Variants in GABRB3 observed in about 807,000 individuals in gnomAD.
GABRB3 encodes the protein gamma-aminobutyric acid type A receptor subunit beta3, also known as gamma-aminobutyric acid receptor subunit beta-3.
Under a neutral mutation model 52.1 loss-of-function variants are expected in GABRB3, and 14 were observed. That is an observed-to-expected ratio of 0.27 (90% CI 0.18 to 0.42). The LOEUF (loss-of-function observed/expected upper bound fraction) is 0.42, where lower values mean the gene tolerates loss of function less well. Among genes scored for constraint, GABRB3 ranks in the 10% least tolerant of loss-of-function variants. The pLI is 1.00. For missense variants in GABRB3, 307 were observed against 609.1 expected, an observed-to-expected ratio of 0.50 and a Z score of 5.22; for synonymous variants, 260 against 232.3, an observed-to-expected ratio of 1.12 and a Z score of -1.08.
chr15:26,659,394 C>T (rs928401669), intron 3 of GABRB3, among the ~76,000 whole-genome samples: 6 of 151,776 alleles, frequency 4.0e-5, no homozygotes, highest in Non-Finnish European at 5.9e-5. Context: ...TGGTGGGGAG[C>T]GCCTTTAATC....
chr15:26,599,607 G>C (rs1891515212), intron 4 of GABRB3, among the ~76,000 whole-genome samples: 1 of 152,208 alleles, frequency 6.6e-6, no homozygotes, highest in African/African-American at 2.4e-5. Context: ...CAAAGGCAGA[G>C]ACCCATCAAC....
At chr15:26,572,342 C>T (rs1890438716) in intron 6 of GABRB3, among the ~76,000 whole-genome samples, 1 of 152,176 alleles carries the variant, frequency 6.6e-6, no homozygotes, top group Non-Finnish European at 1.5e-5. Flanking sequence ...ATTGTATGCA[C>T]CTCTGGTGTA....
chr15:26,651,689 C>T (rs909192915), intron 3 of GABRB3, among the ~76,000 whole-genome samples: 2 of 152,170 alleles, frequency 1.3e-5, no homozygotes, highest in South Asian at 4.1e-4. Context: ...GGGAGTCACA[C>T]CCTACAAACC....
At chr15:26,656,258 C>T (rs1234122700) in intron 3 of GABRB3, among the ~76,000 whole-genome samples, 1 of 152,194 alleles carries the variant, frequency 6.6e-6, no homozygotes, top group African/African-American at 2.4e-5. Context: ...TCATTTCCCT[C>T]CAGCTCCGGA....
intron 6 of GABRB3, among the ~76,000 whole-genome samples, chr15:26,579,408 G>T (rs993156848): frequency 3.5e-4 from 53 of 152,126 alleles, no homozygotes; most frequent in African/African-American, 1.1e-3. Context: ...GCCAGATGAA[G>T]CCTAAGAATG....
chr15:26,563,116 A>G (rs1769696922), intron 7 of GABRB3, among the ~76,000 whole-genome samples: 1 of 152,212 alleles, frequency 6.6e-6, no homozygotes, highest in African/African-American at 2.4e-5. Flanking sequence ...GGGAAGACCG[A>G]GCGCTTTGCT....
intron 4 of GABRB3, among the ~76,000 whole-genome samples, chr15:26,620,043 TTC>T (rs1892419854): frequency 6.6e-6 from 1 of 152,274 alleles, no homozygotes; most frequent in East Asian, 1.9e-4. Context: ...TGGCTCCTCA[TTC>T]TACATTCCCA....
intron 3 of GABRB3, among the ~76,000 whole-genome samples, chr15:26,741,977 T>C (rs899134286): frequency 2.0e-5 from 3 of 152,208 alleles, no homozygotes; most frequent in South Asian, 2.1e-4. Flanking sequence ...TTAGAATCTC[T>C]GTAACAATCA....
Position 26,556,240 on chromosome 15 carries a change from T to C in GABRB3, c.1080+4692A>G, listed in dbSNP as rs555616644. On this transcript the variant is annotated intron_variant, in intron 8 of 8. Coordinates refer to ENST00000311550, the MANE Select transcript of GABRB3 (RefSeq NM_000814.6). ...TGCAAACATTCAACGACTAAAAACA[T>C]CTCATTCAGAATATAGCACAGAGAG... Among the ~76,000 whole-genome samples, 31 of 152,324 alleles carry C rather than the reference T, an allele frequency of 2.0e-4. No homozygotes were observed. The South Asian group carries it at 5.4e-3, about 26-fold the overall frequency.
intron 4 of GABRB3, among the ~76,000 whole-genome samples, chr15:26,618,120 C>T (rs1892332264): frequency 6.6e-6 from 1 of 152,116 alleles, no homozygotes; most frequent in Non-Finnish European, 1.5e-5. Flanking sequence ...AATGCCATCC[C>T]CATCAAGCTA....
At chr15:26,709,679 A>G (rs1889230750) in intron 3 of GABRB3, among the ~76,000 whole-genome samples, 1 of 151,568 alleles carries the variant, frequency 6.6e-6, no homozygotes, top group South Asian at 2.1e-4. Flanking sequence ...CACCACGCCC[A>G]GCTAATTTTT....
At chr15:26,638,720 A>G (rs1893118837) in intron 3 of GABRB3, among the ~76,000 whole-genome samples, 1 of 152,180 alleles carries the variant, frequency 6.6e-6, no homozygotes, top group Non-Finnish European at 1.5e-5. Flanking sequence ...TCCATTTGGA[A>G]TTCTTATTTT....
At chr15:26,577,058 T>A (rs1011008934) in intron 6 of GABRB3, among the ~76,000 whole-genome samples, 2 of 151,936 alleles carry the variant, frequency 1.3e-5, no homozygotes, top group African/African-American at 4.8e-5. Flanking sequence ...CAGAAAGAAA[T>A]GAGCAAGATA....
chr15:26,751,170 G>T (rs1444038304), intron 3 of GABRB3, among the ~76,000 whole-genome samples: 1 of 152,084 alleles, frequency 6.6e-6, no homozygotes, highest in Non-Finnish European at 1.5e-5. Flanking sequence ...TTCCATGTTA[G>T]TCAACTTGGG....
intron 4 of GABRB3, chr15:26,615,483 T>G (rs1566775570): frequency 1.0e-6 from 1 of 979,484 alleles, no homozygotes; most frequent in African/African-American, 1.8e-5. Flanking sequence ...ACAAGAGTCA[T>G]GGGAAAAATG....
intron 3 of GABRB3, among the ~76,000 whole-genome samples, chr15:26,771,331 G>A (rs937187680): frequency 6.6e-6 from 1 of 152,146 alleles, no homozygotes; most frequent in African/African-American, 2.4e-5. Flanking sequence ...ATCCCTTGGA[G>A]TGAGGAACTA....
intron 3 of GABRB3, among the ~76,000 whole-genome samples, chr15:26,694,844 G>A (rs1351618436): frequency 1.3e-5 from 2 of 152,178 alleles, no homozygotes; most frequent in Non-Finnish European, 2.9e-5. Flanking sequence ...GGTTATGTAA[G>A]CAGAGGGATA....
At chr15:26,586,704 A>AAAGAG (rs558336153) in intron 4 of GABRB3, among the ~76,000 whole-genome samples, 4 of 102,302 alleles carry the variant, frequency 3.9e-5, no homozygotes, top group African/African-American at 6.1e-5. Flanking sequence ...AAAAAAAAAA[A>AAAGAG]AGAGAGAGAG....
rs555791496 is a variant in GABRB3, at chr15:26,635,527, A to G, written c.241-13993T>C. On this transcript the variant is annotated intron_variant, in intron 3 of 8. Coordinates refer to ENST00000311550, the MANE Select transcript of GABRB3 (RefSeq NM_000814.6). The stretch of plus-strand genomic sequence containing the variant: ...AAGAGAGCAGACAAGGCAAAAAAAA[A>G]ATGCTTAAACAGAAAGAAAGACGTT... Among the ~76,000 whole-genome samples, 45 of 152,282 alleles carry G rather than the reference A, an allele frequency of 3.0e-4. 1 individual carries two copies. Among genetic ancestry groups the G allele is most frequent in the Admixed American group, 1.0e-3 (16 of 15,292 alleles).
Sources: allele counts gnomAD v4.1 joint callset (sites outside exome capture counted in the v4.1 genomes callset), GRCh38; gene constraint gnomAD v4.1.1; transcripts MANE v1.5; gene names NCBI Gene and HGNC (gene_info 2026-07-23, HGNC 2026-07-21).